OR52N2: variants seen among roughly 807,000 people sequenced by gnomAD.
The protein encoded by OR52N2 is olfactory receptor 52N2.
For synonymous variants in OR52N2, 129 were observed against 72.0 expected (o/e 1.79, Z -4.01); for missense variants, 326 against 196.6 (o/e 1.66, Z -3.94).
intron 1 of OR52N2, among the ~76,000 whole-genome samples, chr11:5,812,668 G>A (rs1418406401): frequency 6.6e-6 from 1 of 151,906 alleles, no homozygotes; most frequent in Non-Finnish European, 1.5e-5. Flanking sequence ...GCTGAAGGGA[G>A]AGATAGACTG....
At chr11:5,810,775 C>CT (rs34182338) in intron 1 of OR52N2, among the ~76,000 whole-genome samples, 16,258 of 151,242 alleles carry the variant, frequency 0.11, 1,076 homozygotes, top group East Asian at 0.25. Context: ...AGTACACAAT[C>CT]TTTTTTTTTA....
At chr11:5,815,943 A>G (rs1056780598) in intron 1 of OR52N2, among the ~76,000 whole-genome samples, 1 of 151,790 alleles carries the variant, frequency 6.6e-6, no homozygotes, top group Admixed American at 6.6e-5. Context: ...ATGTATATAT[A>G]TATGTATGTG....
rs753193299 is a variant in OR52N2, at chr11:5,820,883, A to G, written c.548A>G (p.His183Arg). Residue 183 changes from histidine (H) to arginine (R), a missense_variant, in exon 2 of 2, where the codon CAT (histidine) becomes CGT (arginine). Physicochemically the swap from His to Arg is conservative, Grantham distance 29. Transcript: ENST00000317037. The stretch of plus-strand genomic sequence containing the variant: ...TTCATCCCCCACACCTACTGTGACC[A>G]TATGTCTGTGGCCAAGGTATCCTGT... Reference protein sequence around the residue: ...GNFIPHTYCDHMSVAKVSCGN... With the variant: ...GNFIPHTYCDRMSVAKVSCGN... 7.7e-6 allele frequency: 6 copies of G among 780,902 alleles called. No individual in the cohort carries two copies. Among genetic ancestry groups the G allele is most frequent in the Non-Finnish European group, 1.2e-5 (5 of 418,106 alleles). 48.4% of individuals were successfully genotyped at this position (780,902 alleles called of 1,614,324 possible).
chr11:5,816,602 T>C (rs1590366977), intron 1 of OR52N2, among the ~76,000 whole-genome samples: 1 of 150,928 alleles, frequency 6.6e-6, no homozygotes. Context: ...TGCAGTAGAG[T>C]TATCTCAGCT....
chr11:5,817,921 A>G lies in OR52N2; in HGVS notation c.-54-2361A>G, dbSNP rs184212416. Among the ~76,000 whole-genome samples the G allele has an allele frequency of 3.6e-3, 542 of 152,316 alleles. 4 individuals carry two copies. Among genetic ancestry groups the G allele is most frequent in the African/African-American group, 0.012 (512 of 41,578 alleles). On this transcript the variant is annotated intron_variant, in intron 1 of 1. Transcript: ENST00000317037. The stretch of plus-strand genomic sequence containing the variant: ...TTTGGTACAGCTATTGGATGGAAAG[A>G]AGGTCTAGCTATTAAACTTTTTAAT...
At chr11:5,817,778 C>T (rs1846415266) in intron 1 of OR52N2, among the ~76,000 whole-genome samples, 1 of 151,826 alleles carries the variant, frequency 6.6e-6, no homozygotes, top group Non-Finnish European at 1.5e-5. Context: ...TTCTATCTAT[C>T]GGTAGAGAAG....
intron 1 of OR52N2, among the ~76,000 whole-genome samples, chr11:5,815,912 G>A (rs980638020): frequency 2.1e-4 from 30 of 145,030 alleles, no homozygotes; most frequent in African/African-American, 6.2e-4. Context: ...GTGTATATAC[G>A]TGTGTATATA....
intron 1 of OR52N2, among the ~76,000 whole-genome samples, chr11:5,810,387 G>T (rs1336769691): frequency 1.3e-5 from 2 of 152,178 alleles, no homozygotes; most frequent in African/African-American, 4.8e-5. Flanking sequence ...CTGAACTGAG[G>T]AGGAAAGTAC....
At chr11:5,812,017 G>A (rs1297491917) in intron 1 of OR52N2, among the ~76,000 whole-genome samples, 1 of 152,084 alleles carries the variant, frequency 6.6e-6, no homozygotes, top group African/African-American at 2.4e-5. Context: ...AGTGGGAATT[G>A]AACAATGAGA....
intron 1 of OR52N2, among the ~76,000 whole-genome samples, chr11:5,813,182 AT>A (rs1846377635): frequency 6.6e-6 from 1 of 151,996 alleles, no homozygotes; most frequent in East Asian, 1.9e-4. Flanking sequence ...AACCCATGTA[AT>A]TAGAAGGCAG....
chr11:5,811,476 A>G (rs1047952936), intron 1 of OR52N2, among the ~76,000 whole-genome samples: 5 of 152,316 alleles, frequency 3.3e-5, no homozygotes, highest in Admixed American at 1.3e-4. Context: ...TCTTTATGCA[A>G]TTGAAGTTGT....
At chr11:5,818,537 C>A (rs1046784615) in intron 1 of OR52N2, among the ~76,000 whole-genome samples, 1 of 152,064 alleles carries the variant, frequency 6.6e-6, no homozygotes, top group African/African-American at 2.4e-5. Flanking sequence ...GTGCCTAGCA[C>A]TGAGGTGAGA....
At chr11:5,815,174 G>A (rs180707818) in intron 1 of OR52N2, among the ~76,000 whole-genome samples, 1 of 151,936 alleles carries the variant, frequency 6.6e-6, no homozygotes, top group East Asian at 1.9e-4. Context: ...ATGATTTCTT[G>A]GAAATGACAC....
chr11:5,820,045 G>T (rs190387123), intron 1 of OR52N2, among the ~76,000 whole-genome samples: 338 of 152,318 alleles, frequency 2.2e-3, no homozygotes, highest in African/African-American at 7.9e-3. Context: ...GAGTTGTGCT[G>T]GGGAGAGGTG....
chr11:5,815,627 A>G (rs10838674), intron 1 of OR52N2, among the ~76,000 whole-genome samples: 68,640 of 151,714 alleles, frequency 0.45, 16,986 homozygotes, highest in Non-Finnish European at 0.56. Context: ...CCTTTTGGCA[A>G]AAATGTAAAA....
chr11:5,815,418 T>A (rs1406467690), intron 1 of OR52N2, among the ~76,000 whole-genome samples: 1 of 151,858 alleles, frequency 6.6e-6, no homozygotes, highest in Non-Finnish European at 1.5e-5. Context: ...GGGCAAAGGA[T>A]TAGAATAGAC....
At position 5,821,224 on chromosome 11, in the gene OR52N2, G is replaced by C; in HGVS notation, c.889G>C (p.Val297Leu). ...PPTMNPIVYG[V>L]KTKQIQEGVI... ...TACCATGAACCCAATTGTTTATGGA[G>C]TCAAGACCAAGCAGATTCAGGAAGG... The change falls in exon 2 of 2, where the codon GTC becomes CTC. Residue 297 changes from valine to leucine, a missense_variant. Coordinates refer to ENST00000317037, the MANE Select transcript of OR52N2 (RefSeq NM_001005174.3). The C allele has an allele frequency of 1.3e-6, 1 of 780,978 alleles. No individual in the cohort carries two copies. The highest frequency in any genetic ancestry group is 2.4e-6 in the Non-Finnish European group (1 of 418,100). 48.4% of individuals were successfully genotyped at this position (780,978 alleles called of 1,614,324 possible).
At chr11:5,810,416 C>T (rs1410121765) in intron 1 of OR52N2, among the ~76,000 whole-genome samples, 2 of 151,742 alleles carry the variant, frequency 1.3e-5, no homozygotes, top group Admixed American at 6.6e-5. Context: ...ATTAAGAGGC[C>T]CTCAAAAATC....
rs1017134959 is a variant in OR52N2, at chr11:5,820,853, G to A, written c.518G>A (p.Gly173Glu). The A allele has an allele frequency of 1.8e-5, 14 of 780,786 alleles. No individual in the cohort carries two copies. Among genetic ancestry groups the A allele is most frequent in the African/African-American group, 1.5e-4 (9 of 59,120 alleles). The allele number at this position is 780,786 out of a possible 1,614,324, so 48.4% of individuals were successfully genotyped here. A position where few individuals can be genotyped will look rare whatever the true frequency, so the allele number is the denominator to read the frequency against. The change falls in exon 2 of 2, where the codon GGG becomes GAG. Residue 173 changes from glycine (G) to glutamate (E), a missense_variant. By Grantham distance (98) the Gly-to-Glu change is moderately conservative (BLOSUM62 -2). Transcript: ENST00000317037. The part of the protein sequence containing the change: ...LLTKRLPYCR[G>E]NFIPHTYCDH... Reference sequence around the variant, plus strand: ...ACCAAGCGCCTGCCCTATTGCCGGGGGAACTTCATCCCCCACACCTACTGT... The same window carrying A: ...ACCAAGCGCCTGCCCTATTGCCGGGAGAACTTCATCCCCCACACCTACTGT...
Sources: allele counts gnomAD v4.1 joint callset (sites outside exome capture counted in the v4.1 genomes callset), GRCh38; gene constraint gnomAD v4.1.1; transcripts MANE v1.5; gene names NCBI Gene and HGNC (gene_info 2026-07-23, HGNC 2026-07-21).